The following RNF38 variants were observed in gnomAD, a reference collection of about 807,000 sequenced individuals.
RNF38 encodes E3 ubiquitin-protein ligase RNF38.
A neutral mutation model predicts 67.2 loss-of-function variants in RNF38; 15 were observed. That is an observed-to-expected ratio of 0.22 (90% CI 0.15 to 0.34). The LOEUF is 0.34. Among genes scored for constraint, RNF38 ranks in the 10% least tolerant of loss-of-function variants. RNF38 has a pLI of 1.00. For missense variants in RNF38, 524 were observed against 639.9 expected, an observed-to-expected ratio of 0.82 and a Z score of 1.95; for synonymous variants, 220 against 218.8, an observed-to-expected ratio of 1.01 and a Z score of -0.05.
chr9:36,440,318 C>T (rs1020814376), intron 1 of RNF38, among the ~76,000 whole-genome samples: 4 of 151,872 alleles, frequency 2.6e-5, no homozygotes, highest in East Asian at 1.9e-4. Flanking sequence ...GGGAGATGGG[C>T]GGATCACCTG....
intron 1 of RNF38, among the ~76,000 whole-genome samples, chr9:36,480,137 C>G (rs776297100): frequency 2.0e-5 from 3 of 152,046 alleles, no homozygotes; most frequent in Non-Finnish European, 4.4e-5. Context: ...CACCACCACA[C>G]CCAGCTAAGT....
chr9:36,411,671 C>T (rs1838328848), intron 2 of RNF38, among the ~76,000 whole-genome samples: 1 of 152,102 alleles, frequency 6.6e-6, no homozygotes, highest in African/African-American at 2.4e-5. Flanking sequence ...AAGTGATCCT[C>T]CTGCCTCAGC....
At position 36,427,946 on chromosome 9, in the gene RNF38, G is replaced by A. The variant is rs545757709; in HGVS notation, n.242-3263C>T. ...GCTGGTCTCAAACTCCCGACCTCAG[G>A]TGATCCGCTCACATTGGCCTCCCAA... On this transcript the variant is annotated intron_variant and non_coding_transcript_variant, in intron 1 of 3. Coordinates refer to the RNF38 transcript ENST00000488058. Among the ~76,000 whole-genome samples, 7 of 151,134 alleles carry A rather than the reference G, an allele frequency of 4.6e-5. No individual in the cohort carries two copies. The South Asian group carries it at 1.5e-3, about 32-fold the overall frequency.
chr9:36,469,025 T>C (rs993110361), intron 1 of RNF38, among the ~76,000 whole-genome samples: 3 of 152,042 alleles, frequency 2.0e-5, no homozygotes, highest in African/African-American at 7.2e-5. Flanking sequence ...GGCAGAAGAA[T>C]TGCTTGAACC....
rs553742009 is a variant in RNF38, at chr9:36,375,496, C to T, written c.356+438G>A. Among the ~76,000 whole-genome samples, 8 of 152,230 alleles carry T rather than the reference C, an allele frequency of 5.3e-5. No homozygotes were observed. The East Asian group carries it at 1.5e-3, about 29-fold the overall frequency. On this transcript the variant is annotated intron_variant, in intron 3 of 11. Transcript: ENST00000259605. ...CATGAGCTACTACTGTGCCAAGTCT[C>T]CATGGGTTTATAAGAAACATAATTA...
At chr9:36,409,634 T>C (rs989295535) in intron 2 of RNF38, among the ~76,000 whole-genome samples, 1 of 152,246 alleles carries the variant, frequency 6.6e-6, no homozygotes, top group Non-Finnish European at 1.5e-5. Flanking sequence ...CACCCTGCTA[T>C]AGAAGTCTAA....
Position 36,338,013 on chromosome 9 carries a change from A to T in RNF38, c.*1739T>A, listed in dbSNP as rs1230507060. On this transcript the variant is annotated 3_prime_UTR_variant, in exon 12 of 12. Transcript: ENST00000259605. ...GGCAAGCAGCATGGCAGTAACAAGT[A>T]GTTAACACTGAATGGAAAACTGACA... 2 of 152,656 alleles carry T rather than the reference A, an allele frequency of 1.3e-5. No individual in the cohort carries two copies. The highest frequency in any genetic ancestry group is 2.9e-5 in the Non-Finnish European group (2 of 68,056). 9.5% of individuals were successfully genotyped at this position (152,656 alleles called of 1,614,324 possible).
chr9:36,388,975 A>G (rs1466557869), intron 2 of RNF38, among the ~76,000 whole-genome samples: 1 of 152,118 alleles, frequency 6.6e-6, no homozygotes, highest in Non-Finnish European at 1.5e-5. Context: ...AAAGATATCA[A>G]CTAGCTGAAG....
intron 1 of RNF38, among the ~76,000 whole-genome samples, chr9:36,438,526 AC>A (rs1387281945): frequency 2.0e-5 from 3 of 151,982 alleles, no homozygotes; most frequent in African/African-American, 7.3e-5. Flanking sequence ...AGATTGGACA[AC>A]CCTGTTCTAA....
rs1832658535 is a variant in RNF38 at position 36,339,049 on chromosome 9, C to T, written c.*703G>A. On this transcript the variant is annotated 3_prime_UTR_variant, in exon 12 of 12. Transcript: ENST00000259605. ...AGCTGCCTGAAGCAAAGGAAGAAGG[C>T]TTTTCTCATTCCATTCACTGGGAGG... 1 of 152,478 alleles carries T rather than the reference C, an allele frequency of 6.6e-6. No individual in the cohort carries two copies. The highest frequency in any genetic ancestry group is 2.4e-5 in the African/African-American group (1 of 41,400). The allele number at this position is 152,478 out of a possible 1,614,324, so 9.4% of individuals were successfully genotyped here.
chr9:36,352,604 C>G lies in RNF38; in HGVS notation c.1178+138G>C. The G allele has an allele frequency of 5.7e-6, 4 of 706,340 alleles. No homozygotes were observed. The South Asian group carries it at 6.6e-5, about 12-fold the overall frequency. The allele number at this position is 706,340 out of a possible 1,614,324, so 43.8% of individuals were successfully genotyped here. On this transcript the variant is annotated intron_variant, in intron 8 of 11. Transcript: ENST00000259605. ...TCTTTCTTTCAGCCTTAACTGGCTCCTCCCACCCCACCCTTTAACATTAAG... is the reference window on the plus strand; with the variant it reads ...TCTTTCTTTCAGCCTTAACTGGCTCGTCCCACCCCACCCTTTAACATTAAG...
chr9:36,421,757 A>G (rs1303753433), intron 2 of RNF38, among the ~76,000 whole-genome samples: 3 of 152,232 alleles, frequency 2.0e-5, no homozygotes, highest in Non-Finnish European at 1.5e-5. Flanking sequence ...ACTATGAAGA[A>G]GTGGGGAAGG....
chr9:36,422,096 G>A (rs1838644160), intron 2 of RNF38, among the ~76,000 whole-genome samples: 2 of 152,118 alleles, frequency 1.3e-5, no homozygotes, highest in African/African-American at 2.4e-5. Context: ...GCCAGGCACG[G>A]TGATGAACAC....
In RNF38 at chr9:36,339,175, T is replaced by C. The variant is rs1832664656; in HGVS notation, c.*577A>G. On this transcript the variant is annotated 3_prime_UTR_variant, in exon 12 of 12. Transcript: ENST00000259605. ...AAAAACCAGTGTACAGTACTAGTGC[T>C]GTTTAAATAACACACCAGATTATAC... 6.5e-6 allele frequency: 1 copy of C among 153,788 alleles called. No homozygotes were observed. Among genetic ancestry groups the C allele is most frequent in the Non-Finnish European group, 1.5e-5 (1 of 68,768 alleles). The allele number at this position is 153,788 out of a possible 1,614,324, so 9.5% of individuals were successfully genotyped here. A position where few individuals can be genotyped will look rare whatever the true frequency, so the allele number is the denominator to read the frequency against.
At chr9:36,364,847 A>G (rs1834824652) in intron 4 of RNF38, among the ~76,000 whole-genome samples, 1 of 152,214 alleles carries the variant, frequency 6.6e-6, no homozygotes, top group Non-Finnish European at 1.5e-5. Flanking sequence ...TCTAACAAAT[A>G]TCTAGGTGAT....
chr9:36,466,178 T>C (rs1839858779), intron 1 of RNF38, among the ~76,000 whole-genome samples: 1 of 152,182 alleles, frequency 6.6e-6, no homozygotes, highest in African/African-American at 2.4e-5. Context: ...TATGATTCCA[T>C]TTATATAAAA....
chr9:36,422,100 T>G (rs559884404), intron 2 of RNF38, among the ~76,000 whole-genome samples: 30 of 152,076 alleles, frequency 2.0e-4, no homozygotes, highest in Middle Eastern at 3.4e-3. Flanking sequence ...GGCACGGTGA[T>G]GAACACCTGC....
intron 3 of RNF38, among the ~76,000 whole-genome samples, chr9:36,374,378 T>C (rs1835624064): frequency 6.6e-6 from 1 of 152,206 alleles, no homozygotes; most frequent in Non-Finnish European, 1.5e-5. Context: ...AAGTTTGAAA[T>C]CAAGGTACCA....
intron 2 of RNF38, among the ~76,000 whole-genome samples, chr9:36,385,322 A>G (rs977234503): frequency 3.8e-4 from 57 of 151,610 alleles, no homozygotes; most frequent in African/African-American, 1.4e-3. Flanking sequence ...CCAAACTTGC[A>G]CCAAAAAGAG....
Sources: gnomAD v4.1 joint callset for allele counts (sites outside exome capture counted in the v4.1 genomes callset) on GRCh38, gnomAD v4.1.1 for gene constraint, MANE v1.5 for transcripts, NCBI Gene and HGNC (gene_info 2026-07-23, HGNC 2026-07-21) for gene names.